The following CUX2 variants were observed in gnomAD, a reference collection of about 807,000 sequenced individuals.
CUX2 encodes the protein cut like homeobox 2.
In CUX2, 40 loss-of-function variants were observed where a neutral mutation model predicts 144.8. The observed-to-expected ratio is 0.28, with a 90% CI of 0.21 to 0.36. The LOEUF is 0.36. CUX2 is among the 10% of genes least tolerant of loss of function. The pLI, the probability that CUX2 is intolerant of heterozygous loss-of-function variation, is 1.00. For synonymous variants in CUX2, 827 were observed against 875.6 expected, an observed-to-expected ratio of 0.94 and a Z score of 0.98; for missense variants, 1,615 against 1,994.0, an observed-to-expected ratio of 0.81 and a Z score of 3.62.
In CUX2 at chr12:111,077,879, C is replaced by T. The variant is rs983958111; in HGVS notation, c.63+43639C>T. ...ACAGCAGCTAAAGGTTTGATTTAGT[C>T]TTCTGTGGTTATTGATGGGAAAAGC... On this transcript the variant is annotated intron_variant, in intron 1 of 21. Transcript: ENST00000261726. This position sits in a 1 kb window ranked among gnomAD's most constrained non-coding sequence, Gnocchi z 4.1. Among the ~76,000 whole-genome samples the T allele has an allele frequency of 6.6e-6, 1 of 152,148 alleles. No individual in the cohort carries two copies. Among genetic ancestry groups the T allele is most frequent in the African/African-American group, 2.4e-5 (1 of 41,420 alleles).
intron 16 of CUX2, among the ~76,000 whole-genome samples, chr12:111,314,764 A>T (rs1887105899): frequency 6.6e-6 from 1 of 151,616 alleles, no homozygotes; most frequent in African/African-American, 2.4e-5. Flanking sequence ...GGATCACCTG[A>T]GCCCAGGAGG....
In CUX2 at chr12:111,181,699, G is replaced by A. The variant is rs1879188409; in HGVS notation, c.64-32501G>A. ...TTCAAAGCCTCCAGCATCGATTACC[G>A]TTATAACAAACAGTGGTGCACAGAA... On this transcript the variant is annotated intron_variant, in intron 1 of 21. Transcript: ENST00000261726. Among the ~76,000 whole-genome samples, 5 of 152,184 alleles carry A rather than the reference G, an allele frequency of 3.3e-5. No homozygotes were observed. In the South Asian group the frequency reaches 1.0e-3, roughly 32 times the overall value.
intron 1 of CUX2, among the ~76,000 whole-genome samples, chr12:111,060,801 C>T (rs1224778062): frequency 2.6e-5 from 4 of 152,202 alleles, no homozygotes; most frequent in African/African-American, 9.7e-5. Context: ...AGTCCCTTCT[C>T]TAAGGGCCAA....
In CUX2 at chr12:111,037,019, CTTTT is replaced by C. The variant is rs1168684714; in HGVS notation, c.63+2780_63+2783del. Among the ~76,000 whole-genome samples, 11 of 152,028 alleles carry C rather than the reference CTTTT, an allele frequency of 7.2e-5. No homozygotes were observed. Among genetic ancestry groups the C allele is most frequent in the Non-Finnish European group, 1.6e-4 (11 of 68,012 alleles). ...TAATGCCAGTGACTCCTACGACACACTTTTATTTTCATTTTTTGCCCCTCCCCTA... is the reference window on the plus strand; with the variant it reads ...TAATGCCAGTGACTCCTACGACACACATTTTCATTTTTTGCCCCTCCCCTA... On this transcript the variant is annotated intron_variant, in intron 1 of 21. Coordinates refer to ENST00000261726, the MANE Select transcript of CUX2 (RefSeq NM_015267.4). The surrounding 1 kb of genome is among the most constrained non-coding windows in gnomAD (Gnocchi z 5.4).
chr12:111,195,627 G>A (rs76064616), intron 1 of CUX2, among the ~76,000 whole-genome samples: 3,368 of 152,310 alleles, frequency 0.022, 47 homozygotes, highest in Middle Eastern at 0.068. Flanking sequence ...CTGGGGAAGC[G>A]CCTTCCCTGA....
At chr12:111,284,442 A>G (rs1885273389) in intron 4 of CUX2, among the ~76,000 whole-genome samples, 3 of 152,116 alleles carry the variant, frequency 2.0e-5, no homozygotes, top group African/African-American at 7.2e-5. Flanking sequence ...AGCACAGCAA[A>G]GCTTGGACAC....
intron 1 of CUX2, among the ~76,000 whole-genome samples, chr12:111,181,698 C>G (rs1185295630): frequency 1.3e-5 from 2 of 152,178 alleles, no homozygotes; most frequent in African/African-American, 4.8e-5. Context: ...CATCGATTAC[C>G]GTTATAACAA....
chr12:111,135,097 C>T (rs1042447466), intron 1 of CUX2, among the ~76,000 whole-genome samples: 11 of 151,438 alleles, frequency 7.3e-5, no homozygotes, highest in Non-Finnish European at 1.5e-4. Context: ...GTTTCAATGG[C>T]GAGACAGAAA....
At chr12:111,319,807 A>G (rs1271054727) in intron 16 of CUX2, among the ~76,000 whole-genome samples, 1 of 152,226 alleles carries the variant, frequency 6.6e-6, no homozygotes, top group Non-Finnish European at 1.5e-5. Context: ...GCATATGCCA[A>G]AACCTCACTG....
At position 111,059,782 on chromosome 12, in the gene CUX2, G is replaced by A. The variant is rs751758768; in HGVS notation, c.63+25542G>A. ...GTGGGGGGTCCTCAGTCCTGGCTGG[G>A]ATGCCGAGGGTGGGGGCAGTGAGGG... On this transcript the variant is annotated intron_variant, in intron 1 of 21. Coordinates refer to ENST00000261726, the MANE Select transcript of CUX2 (RefSeq NM_015267.4). This position sits in a 1 kb window ranked among gnomAD's most constrained non-coding sequence, Gnocchi z 5.3. Among the ~76,000 whole-genome samples, 2 of 152,084 alleles carry A rather than the reference G, an allele frequency of 1.3e-5. No homozygotes were observed. The highest frequency in any genetic ancestry group is 2.4e-5 in the African/African-American group (1 of 41,394).
At chr12:111,244,466 AGCT>A (rs1565869695) in intron 3 of CUX2, among the ~76,000 whole-genome samples, 1 of 152,248 alleles carries the variant, frequency 6.6e-6, no homozygotes, top group Non-Finnish European at 1.5e-5. Context: ...GTTCAATCCC[AGCT>A]CTGTCCGGAG....
At chr12:111,175,483 G>A (rs953268812) in intron 1 of CUX2, among the ~76,000 whole-genome samples, 1 of 151,924 alleles carries the variant, frequency 6.6e-6, no homozygotes, top group South Asian at 2.1e-4. Context: ...CTGGGAAATG[G>A]TCAAGTGACA....
intron 3 of CUX2, among the ~76,000 whole-genome samples, chr12:111,224,447 C>G (rs550589818): frequency 4.0e-5 from 6 of 151,764 alleles, no homozygotes; most frequent in Non-Finnish European, 7.4e-5. Context: ...GGTTCCTGTG[C>G]CCCCCTTCTG....
intron 1 of CUX2, among the ~76,000 whole-genome samples, chr12:111,055,954 A>G (rs1438718247): frequency 6.6e-6 from 1 of 152,190 alleles, no homozygotes; most frequent in Non-Finnish European, 1.5e-5. Flanking sequence ...CAGGCCACTT[A>G]GCTGCGTGGC....
At chr12:111,137,126 A>C (rs1875945506) in intron 1 of CUX2, among the ~76,000 whole-genome samples, 1 of 149,790 alleles carries the variant, frequency 6.7e-6, no homozygotes, top group Non-Finnish European at 1.5e-5. Context: ...TTTTTGGTAG[A>C]GATGGCCATC....
Position 111,310,144 on chromosome 12 carries a change from C to T in CUX2, c.1362C>T (p.Pro454=). The change falls in exon 15 of 22, where the codon CCC becomes CCT. Residue 454 remains proline (P), a synonymous_variant. Transcript: ENST00000261726. The surrounding 1 kb of genome is among the most constrained non-coding windows in gnomAD (Gnocchi z 7.9). ...QLPPPPGPED[P]LSPSPGQPLL... ...CACCTCCACCAGGGCCAGAAGACCC[C>T]CTGTCTCCCAGCCCCGGGCAGCCCC... 1 of 1,537,006 alleles carries T rather than the reference C, an allele frequency of 6.5e-7. No homozygotes were observed. The highest frequency in any genetic ancestry group is 8.7e-7 in the Non-Finnish European group (1 of 1,143,166).
At chr12:111,281,510 C>G (rs567432128) in intron 4 of CUX2, among the ~76,000 whole-genome samples, 64 of 152,352 alleles carry the variant, frequency 4.2e-4, no homozygotes, top group Middle Eastern at 3.4e-3. Flanking sequence ...TCTGTCTCCC[C>G]CACTGGGAAG....
At chr12:111,036,872 T>G in intron 1 of CUX2, among the ~76,000 whole-genome samples, 1 of 148,724 alleles carries the variant, frequency 6.7e-6, no homozygotes, top group Admixed American at 6.7e-5. Context: ...CTTCAGCTGG[T>G]CCCCTGGCCA....
chr12:111,101,283 C>A (rs1246886133), intron 1 of CUX2, among the ~76,000 whole-genome samples: 1 of 152,080 alleles, frequency 6.6e-6, no homozygotes, highest in Non-Finnish European at 1.5e-5. Context: ...TGGTAAGGGA[C>A]TCTGGCCACA....
Sources: allele counts gnomAD v4.1 joint callset (sites outside exome capture counted in the v4.1 genomes callset), GRCh38; gene constraint gnomAD v4.1.1; non-coding constraint Gnocchi (gnomAD v3.1); transcripts MANE v1.5; gene names NCBI Gene and HGNC (gene_info 2026-07-23, HGNC 2026-07-21).